The following MRPL46 variants were observed in gnomAD, a reference collection of about 807,000 sequenced individuals.
MRPL46 encodes the protein mitochondrial ribosomal protein L46.
MRPL46 carries 26 observed loss-of-function variants against 31.0 expected under a neutral mutation model. The observed-to-expected ratio is 0.84, with a 90% confidence interval of 0.61 to 1.16. The LOEUF is 1.16. MRPL46 is among the 50% of genes most tolerant of loss of function. The probability of loss-of-function intolerance (pLI) is 0.00; values close to 1 mark genes in which losing one functional copy is unlikely to be tolerated. For missense variants in MRPL46, 395 were observed against 340.0 expected (o/e 1.16, Z -1.27); for synonymous variants, 159 against 141.3 (o/e 1.13, Z -0.89).
At chr15:88,462,119 A>AT (rs1258459571) in intron 3 of MRPL46, 1 of 152,066 alleles carries the variant, frequency 6.6e-6, no homozygotes, top group African/African-American at 2.4e-5. Context: ...GACACCGATA[A>AT]TTTTTTTACC....
Position 88,467,249 on chromosome 15 carries a change from G to T in MRPL46, c.129C>A (p.Ser43=), listed in dbSNP as rs566579646. The change falls in exon 1 of 4, where the codon TCC becomes TCA. Residue 43 remains serine, a synonymous_variant. Coordinates refer to ENST00000312475, the MANE Select transcript of MRPL46 (RefSeq NM_022163.4). ...ALAAAPSSNG[S]PWRLLGALCL... is the part of the protein sequence containing the mutation. ...ACAACGCGCCCAACAAGCGCCATGG[G>T]GATCCGTTGCTTGAGGGTGCGGCTG... 6.2e-7 allele frequency: 1 copy of T among 1,614,116 alleles called. No individual in the cohort carries two copies. Among genetic ancestry groups the T allele is most frequent in the Admixed American group, 1.7e-5 (1 of 60,034 alleles).
At chr15:88,465,248 A>G (rs566862986) in intron 2 of MRPL46, 42 of 418,258 alleles carry the variant, frequency 1.0e-4, no homozygotes, top group African/African-American at 8.0e-4. Context: ...CAAGGAAAAC[A>G]GAACTCAATC....
At chr15:88,464,988 T>A in intron 2 of MRPL46, 112 bp from the exon 3 acceptor site, 5 of 1,239,192 alleles carry the variant, frequency 4.0e-6, no homozygotes, top group Non-Finnish European at 4.5e-6. Context: ...TCAAAGAGCT[T>A]AGAACCAAAT....
chr15:88,464,905 G>A, intron 2 of MRPL46, 29 bp from the exon 3 acceptor site: 1 of 1,596,148 alleles, frequency 6.3e-7, no homozygotes, highest in Non-Finnish European at 8.5e-7. Context: ...GAGGAGGTAA[G>A]AAGACTGTGA....
In MRPL46 at chr15:88,464,871, C is replaced by T. The variant is rs759355215; in HGVS notation, c.421G>A (p.Asp141Asn). The T allele has an allele frequency of 6.2e-7, 1 of 1,613,484 alleles. No homozygotes were observed. Among genetic ancestry groups the T allele is most frequent in the Non-Finnish European group, 8.5e-7 (1 of 1,179,690 alleles). The change falls in exon 3 of 4, where the codon GAT (aspartate) becomes AAT (asparagine). Residue 141 changes from aspartate to asparagine, a missense_variant. Coordinates refer to ENST00000312475, the MANE Select transcript of MRPL46 (RefSeq NM_022163.4). ...AGGGATGTTCGGTCATTCTTTTCAT[C>T]AGCTTCTACAGCAAAGGGGGTCAGA... ...FKLGARITEA[D>N]EKNDRTSLNR...
In MRPL46 at chr15:88,463,879, T is replaced by C. The variant is rs1268323538; in HGVS notation, c.589+824A>G. 1.3e-5 allele frequency: 2 copies of C among 152,214 alleles called. No individual in the cohort carries two copies. The highest frequency in any genetic ancestry group is 2.9e-5 in the Non-Finnish European group (2 of 68,038). 9.4% of individuals were successfully genotyped at this position (152,214 alleles called of 1,614,324 possible). A position where few individuals can be genotyped will look rare whatever the true frequency, so the allele number is the denominator to read the frequency against. The stretch of plus-strand genomic sequence containing the variant: ...CCATGCTTGACAGTTAGAATTTTTA[T>C]TGGAAACCTTTTAAGAATTCCATGC... On this transcript the variant is annotated intron_variant, in intron 3 of 3. Transcript: ENST00000312475. This position sits in a 1 kb window ranked among gnomAD's most constrained non-coding sequence, Gnocchi z 5.4.
At position 88,459,763 on chromosome 15, in the gene MRPL46, C is replaced by T. The variant is rs755201593; in HGVS notation, c.690G>A (p.Lys230=). 6.2e-7 allele frequency: 1 copy of T among 1,614,190 alleles called. No homozygotes were observed. The highest frequency in any genetic ancestry group is 1.3e-5 in the African/African-American group (1 of 75,042). ...ATAGCAGTGCTTTGAAGAAGAACAC[C>T]TTGGCTCCGAGGTTACTCTCTGTCC... ...AMRTESNLGA[K]VFFFKALLLT... is the part of the protein sequence containing the mutation. The change falls in exon 4 of 4, where the codon AAG becomes AAA. Residue 230 remains lysine, a synonymous_variant. Transcript: ENST00000312475.
chr15:88,462,194 TTA>T (rs1267973615), intron 3 of MRPL46: 1 of 151,870 alleles, frequency 6.6e-6, no homozygotes, highest in Non-Finnish European at 1.5e-5. Flanking sequence ...GATGAAAAAT[TTA>T]TAGATAGTGT....
chr15:88,461,307 C>T (rs1300675090), intron 3 of MRPL46: 1 of 152,088 alleles, frequency 6.6e-6, no homozygotes, highest in African/African-American at 2.4e-5. Flanking sequence ...AATGCAGATA[C>T]TCAGGAAGCT....
At position 88,465,775 on chromosome 15, in the gene MRPL46, T is replaced by C; in HGVS notation, c.229-2A>G. 6.4e-7 allele frequency: 1 copy of C among 1,563,078 alleles called. No homozygotes were observed. Among genetic ancestry groups the C allele is most frequent in the South Asian group, 1.2e-5 (1 of 83,458 alleles). On this transcript the variant is annotated splice_acceptor_variant, in intron 1 of 3. Transcript: ENST00000312475. LOFTEE classifies it high-confidence loss of function. ...ATACAGGCTTCTCTCTATCTCAATC[T>C]GGGAAAATTCAAAGGGCAAAAAACT...
intron 3 of MRPL46, chr15:88,462,660 C>T (rs1322301645): frequency 6.6e-6 from 1 of 152,244 alleles, no homozygotes; most frequent in South Asian, 2.1e-4. Context: ...TTACCAAAAA[C>T]TGAAGTGTGC....
chr15:88,460,045 C>T, intron 3 of MRPL46, 182 bp from the exon 4 acceptor site: 3 of 710,370 alleles, frequency 4.2e-6, no homozygotes, highest in Non-Finnish European at 6.8e-6. Context: ...CAAATGCCTC[C>T]TGGCCCATGG....
intron 1 of MRPL46, among the ~76,000 whole-genome samples, chr15:88,466,560 G>A (rs759603955): frequency 6.6e-6 from 1 of 152,188 alleles, no homozygotes; most frequent in Non-Finnish European, 1.5e-5. Context: ...TTTGTCAAGC[G>A]AGCGAGTAAA....
At position 88,467,186 on chromosome 15, in the gene MRPL46, G is replaced by T; in HGVS notation, c.192C>A (p.Thr64=). The T allele has an allele frequency of 6.2e-7, 1 of 1,614,134 alleles. No individual in the cohort carries two copies. The highest frequency in any genetic ancestry group is 8.5e-7 in the Non-Finnish European group (1 of 1,180,028). The change falls in exon 1 of 4, where the codon ACC becomes ACA. Residue 64 remains threonine (T), a synonymous_variant. Coordinates refer to ENST00000312475, the MANE Select transcript of MRPL46 (RefSeq NM_022163.4). ...QRPPVVSKPL[T]PLQEEMASLL... is the part of the protein sequence containing the mutation. ...GAGACGCCATCTCTTCCTGCAATGGGGTCAACGGCTTGGAGACTACAGGTG... is the reference window on the plus strand; with the variant it reads ...GAGACGCCATCTCTTCCTGCAATGGTGTCAACGGCTTGGAGACTACAGGTG...
At chr15:88,465,439 C>T (rs1004858092) in intron 2 of MRPL46, 148 bp downstream of exon 2, 3 of 801,504 alleles carry the variant, frequency 3.7e-6, no homozygotes, top group Non-Finnish European at 5.4e-6. Flanking sequence ...CTTTTTAAGT[C>T]GTATTATGGT....
rs762553714 is a variant in MRPL46, at chr15:88,459,696, C to T, written c.757G>A (p.Val253Met). 2 of 1,614,058 alleles carry T rather than the reference C, an allele frequency of 1.2e-6. No individual in the cohort carries two copies. Among genetic ancestry groups the T allele is most frequent in the Admixed American group, 1.7e-5 (1 of 60,000 alleles). The change falls in exon 4 of 4, where the codon GTG becomes ATG. Residue 253 changes from valine to methionine, a missense_variant. Transcript: ENST00000312475. Reference protein sequence around the residue: ...FSQAGNKGHHVWVTKDELGDY... With the variant: ...FSQAGNKGHHMWVTKDELGDY... ...CCCAGCTCATCCTTAGTGACCCACA[C>T]ATGATGGCCCTTATTCCCAGCCTGG...
Position 88,467,347 on chromosome 15 carries a change from CT to C in MRPL46, c.30del (p.Val12TrpfsTer16), listed in dbSNP as rs777977151. MAAPVRRTL[L>X]GVAGGWRRFE... Reference sequence around the variant, plus strand: ...AACCGCCGCCAACCCCCCGCCACCCCTAACAGCGTCCGCCTTACGGGCGCCG... The same window carrying C: ...AACCGCCGCCAACCCCCCGCCACCCCAACAGCGTCCGCCTTACGGGCGCCG... On this transcript the variant is annotated frameshift_variant, in exon 1 of 4. Transcript: ENST00000312475. LOFTEE classifies it high-confidence loss of function. 1.8e-5 allele frequency: 29 copies of C among 1,596,516 alleles called. No individual in the cohort carries two copies. Among genetic ancestry groups the C allele is most frequent in the Admixed American group, 3.4e-5 (2 of 58,112 alleles).
intron 1 of MRPL46, among the ~76,000 whole-genome samples, chr15:88,466,292 C>G (rs973026383): frequency 6.6e-6 from 1 of 152,202 alleles, no homozygotes; most frequent in African/African-American, 2.4e-5. Context: ...TTCCTTGACA[C>G]TCACCATAAA....
chr15:88,464,518 TAAAAATAAAAA>T, intron 3 of MRPL46, 174 bp downstream of exon 3: 3 of 618,150 alleles, frequency 4.9e-6, no homozygotes, highest in South Asian at 2.2e-5. Flanking sequence ...GGTCTAAAAA[TAAAAATAAAAA>T]AAAAATAAAA....
Sources: allele counts gnomAD v4.1 joint callset (sites outside exome capture counted in the v4.1 genomes callset), GRCh38; gene constraint gnomAD v4.1.1; non-coding constraint Gnocchi (gnomAD v3.1); transcripts MANE v1.5; gene names NCBI Gene and HGNC (gene_info 2026-07-23, HGNC 2026-07-21).